The following USP34 variants were observed in gnomAD, a reference collection of about 807,000 sequenced individuals.
USP34 encodes ubiquitin carboxyl-terminal hydrolase 34.
In USP34, 70 loss-of-function variants were observed where a neutral mutation model predicts 460.3. That is an observed-to-expected ratio of 0.15 (90% CI 0.13 to 0.19). The LOEUF (loss-of-function observed/expected upper bound fraction) is 0.19, where lower values mean the gene tolerates loss of function less well. Ranked by LOEUF, USP34 falls within the 10% of genes least tolerant of loss-of-function variation. The pLI is 1.00. For synonymous variants in USP34, 1,647 were observed against 1,405.3 expected (o/e 1.17, Z -3.85); for missense variants, 3,985 against 4,236.2 (o/e 0.94, Z 1.65).
At chr2:61,282,455 T>C (rs1689563040) in intron 37 of USP34, among the ~76,000 whole-genome samples, 1 of 152,196 alleles carries the variant, frequency 6.6e-6, no homozygotes, top group South Asian at 2.1e-4. Flanking sequence ...ATATTTCTTT[T>C]ATTTATTTGT....
chr2:61,442,898 TACACACACACACACACACAC>T (rs58151221), intron 1 of USP34, among the ~76,000 whole-genome samples: 4 of 147,308 alleles, frequency 2.7e-5, no homozygotes, highest in African/African-American at 1.0e-4. Flanking sequence ...GTGATGTGTG[TACACACACACACACACACAC>T]ACACACACAC....
Position 61,280,298 on chromosome 2 carries a change from A to G in USP34, c.5202T>C (p.Tyr1734=). 1 of 1,561,314 alleles carries G rather than the reference A, an allele frequency of 6.4e-7. No individual in the cohort carries two copies. Among genetic ancestry groups the G allele is most frequent in the Non-Finnish European group, 8.7e-7 (1 of 1,155,442 alleles). Residue 1734 remains tyrosine, a synonymous_variant, in exon 39 of 80, where the codon TAT becomes TAC. Transcript: ENST00000398571. ...EPILKPGCKE[Y]FWLLCKLVDN... Reference sequence around the variant, plus strand: ...CAACTAATTTGCATAACAACCAAAAATACTCTTTACATCCTGGTTTTAATA... The same window carrying G: ...CAACTAATTTGCATAACAACCAAAAGTACTCTTTACATCCTGGTTTTAATA...
chr2:61,397,415 C>A (rs188768565), intron 3 of USP34, among the ~76,000 whole-genome samples: 1 of 147,222 alleles, frequency 6.8e-6, no homozygotes, highest in Non-Finnish European at 1.5e-5. Context: ...TGCACTCCAG[C>A]CTGGGAGACA....
At chr2:61,206,277 T>A (rs1271111450) in intron 71 of USP34, among the ~76,000 whole-genome samples, 153 bp from the exon 72 acceptor site, 1 of 152,232 alleles carries the variant, frequency 6.6e-6, no homozygotes. Context: ...ATGAGATGAT[T>A]ACTACTAATG....
intron 1 of USP34, among the ~76,000 whole-genome samples, chr2:61,455,358 A>T (rs1280959705): frequency 3.3e-5 from 5 of 151,650 alleles, no homozygotes; most frequent in African/African-American, 4.9e-5. Context: ...TTTGTATTAT[A>T]ATAGAGACAG....
At chr2:61,226,421 T>A (rs1159320970) in intron 62 of USP34, among the ~76,000 whole-genome samples, 1 of 152,136 alleles carries the variant, frequency 6.6e-6, no homozygotes, top group Admixed American at 6.5e-5. Flanking sequence ...CCACAAATAA[T>A]GAGGTTTGGT....
intron 59 of USP34, among the ~76,000 whole-genome samples, 190 bp downstream of exon 59, chr2:61,229,358 A>G (rs1687817430): frequency 6.6e-6 from 1 of 150,852 alleles, no homozygotes; most frequent in Non-Finnish European, 1.5e-5. Context: ...ATGGTGGTTC[A>G]TGCCTGTAAT....
intron 74 of USP34, 152 bp from the exon 75 acceptor site, chr2:61,203,415 G>T (rs915132571): frequency 2.8e-6 from 2 of 715,354 alleles, no homozygotes; most frequent in Non-Finnish European, 3.9e-6. Flanking sequence ...GTAATGTTAT[G>T]ATCTTAATTG....
chr2:61,302,293 C>T (rs958410338), intron 27 of USP34, among the ~76,000 whole-genome samples: 1 of 152,210 alleles, frequency 6.6e-6, no homozygotes, highest in Non-Finnish European at 1.5e-5. Flanking sequence ...GTAAGGCTAT[C>T]GCTTTTCATA....
chr2:61,364,126 C>G (rs189566199), intron 10 of USP34, among the ~76,000 whole-genome samples: 1 of 152,284 alleles, frequency 6.6e-6, no homozygotes, highest in East Asian at 1.9e-4. Flanking sequence ...CTAAAATCCC[C>G]GCACTTTGGG....
intron 10 of USP34, among the ~76,000 whole-genome samples, chr2:61,370,112 T>C (rs1408334602): frequency 6.6e-6 from 1 of 152,096 alleles, no homozygotes; most frequent in African/African-American, 2.4e-5. Flanking sequence ...GATGGTTTCA[T>C]GAAGAAGCTC....
At chr2:61,398,936 T>G (rs1693627090) in intron 3 of USP34, among the ~76,000 whole-genome samples, 1 of 152,194 alleles carries the variant, frequency 6.6e-6, no homozygotes, top group Non-Finnish European at 1.5e-5. Flanking sequence ...AACTTTTTCA[T>G]GGTCTTCAAA....
At chr2:61,364,861 C>T (rs1210606165) in intron 10 of USP34, among the ~76,000 whole-genome samples, 6 of 151,862 alleles carry the variant, frequency 4.0e-5, no homozygotes, top group Non-Finnish European at 5.9e-5. Flanking sequence ...GCTCCGGAGA[C>T]GGAGGTTACA....
intron 51 of USP34, 32 bp from the exon 52 acceptor site, chr2:61,241,851 G>T: frequency 8.4e-7 from 1 of 1,187,842 alleles, no homozygotes; most frequent in Non-Finnish European, 1.2e-6. Context: ...TTACTTCTTT[G>T]AAAAAATGGG....
At chr2:61,255,848 T>C (rs1688711106) in intron 48 of USP34, among the ~76,000 whole-genome samples, 1 of 152,238 alleles carries the variant, frequency 6.6e-6, no homozygotes. Flanking sequence ...AGTATTGCAA[T>C]GCTTCTGTTC....
chr2:61,432,825 CAT>C (rs756739896), intron 1 of USP34, among the ~76,000 whole-genome samples: 4 of 151,946 alleles, frequency 2.6e-5, no homozygotes, highest in Non-Finnish European at 5.9e-5. Context: ...CATTTCTGCA[CAT>C]GACTCTAGAT....
intron 10 of USP34, among the ~76,000 whole-genome samples, chr2:61,365,924 A>C (rs995567379): frequency 1.5e-5 from 2 of 135,316 alleles, no homozygotes; most frequent in African/African-American, 2.7e-5. Flanking sequence ...TTTCTGAAAG[A>C]CTAAAATGAC....
chr2:61,262,229 T>G (rs1688911663), intron 43 of USP34, among the ~76,000 whole-genome samples: 1 of 150,646 alleles, frequency 6.6e-6, no homozygotes, highest in African/African-American at 2.4e-5. Flanking sequence ...GGGGTACATA[T>G]GCAGGTTATA....
chr2:61,398,183 G>A (rs1248929026), intron 3 of USP34, among the ~76,000 whole-genome samples: 1 of 152,054 alleles, frequency 6.6e-6, no homozygotes, highest in Non-Finnish European at 1.5e-5. Flanking sequence ...CGTACTCACG[G>A]GCGAGACCCA....
Sources: allele counts gnomAD v4.1 joint callset (sites outside exome capture counted in the v4.1 genomes callset), GRCh38; gene constraint gnomAD v4.1.1; transcripts MANE v1.5; gene names NCBI Gene and HGNC (gene_info 2026-07-23, HGNC 2026-07-21).